The following NYAP2 variants were observed in gnomAD, a reference collection of about 807,000 sequenced individuals.
The protein encoded by NYAP2 is neuronal tyrosine-phosphorylated phosphoinositide-3-kinase adapter 2.
A neutral mutation model predicts 50.4 loss-of-function variants in NYAP2; 23 were observed. The ratio of observed to expected loss-of-function variants is 0.46; its 90% CI spans 0.33 to 0.65. The LOEUF (loss-of-function observed/expected upper bound fraction) is 0.65, where lower values mean the gene tolerates loss of function less well. Ranked by LOEUF, NYAP2 falls within the 30% of genes least tolerant of loss-of-function variation. The probability of loss-of-function intolerance (pLI) is 0.02; values close to 1 mark genes in which losing one functional copy is unlikely to be tolerated. For missense variants in NYAP2, 885 were observed against 861.0 expected, an observed-to-expected ratio of 1.03 and a Z score of -0.35; for synonymous variants, 394 against 365.2, an observed-to-expected ratio of 1.08 and a Z score of -0.90.
At chr2:225,681,637 C>T in the NYAP2 span, among the ~76,000 whole-genome samples, 1 of 152,194 alleles carries the variant, frequency 6.6e-6, no homozygotes, top group African/African-American at 2.4e-5. Context: ...CTTTTGGTCA[C>T]ATGCTATTTT....
chr2:225,455,794 A>G (rs1689729867), intron 3 of NYAP2, among the ~76,000 whole-genome samples: 1 of 152,210 alleles, frequency 6.6e-6, no homozygotes, highest in South Asian at 2.1e-4. Flanking sequence ...TGACTGCTGG[A>G]TGGAAATGTT....
At chr2:225,683,633 A>C in the NYAP2 span, among the ~76,000 whole-genome samples, 9 of 152,294 alleles carry the variant, frequency 5.9e-5, no homozygotes, top group Admixed American at 5.9e-4. Context: ...TCTTTTAGAC[A>C]ACAGGTAGAT....
At chr2:225,477,102 A>G (rs191443727) in intron 3 of NYAP2, among the ~76,000 whole-genome samples, 12 of 152,134 alleles carry the variant, frequency 7.9e-5, no homozygotes, top group African/African-American at 2.2e-4. Flanking sequence ...TGAGGTATAT[A>G]TATTATATGT....
chr2:225,579,902 A>G lies in NYAP2; in HGVS notation c.524-2039A>G, dbSNP rs187710634. On this transcript the variant is annotated intron_variant, in intron 4 of 6. Transcript: ENST00000636099. ...AATTTAAGAGGGTGAAAATGAAAAT[A>G]TAATTCTAAATATGATTATTTCTGT... Among the ~76,000 whole-genome samples, 210 of 152,360 alleles carry G rather than the reference A, an allele frequency of 1.4e-3. 1 individual carries two copies. Among genetic ancestry groups the G allele is most frequent in the African/African-American group, 4.7e-3 (194 of 41,588 alleles).
the NYAP2 span, among the ~76,000 whole-genome samples, chr2:225,664,736 C>T: frequency 6.6e-6 from 1 of 151,752 alleles, no homozygotes; most frequent in Admixed American, 6.6e-5. Flanking sequence ...ATTAGCCGGG[C>T]GTGGTGGCGG....
the NYAP2 span, among the ~76,000 whole-genome samples, chr2:225,693,453 C>T: frequency 6.6e-6 from 1 of 151,966 alleles, no homozygotes; most frequent in Non-Finnish European, 1.5e-5. Flanking sequence ...CGGTTGATCG[C>T]CTGTTGGGGG....
the NYAP2 span, among the ~76,000 whole-genome samples, chr2:225,697,395 G>A: frequency 3.9e-5 from 6 of 152,048 alleles, no homozygotes; most frequent in Non-Finnish European, 8.8e-5. Context: ...GACATTTGCC[G>A]AAGCATCAAA....
chr2:225,412,335 G>A (rs1156558842), intron 3 of NYAP2, among the ~76,000 whole-genome samples: 2 of 134,406 alleles, frequency 1.5e-5, no homozygotes, highest in Non-Finnish European at 3.1e-5. Context: ...TTAAAATGTG[G>A]TTGTGAATGA....
At chr2:225,508,591 A>G (rs534119095) in intron 3 of NYAP2, among the ~76,000 whole-genome samples, 11 of 152,316 alleles carry the variant, frequency 7.2e-5, no homozygotes, top group Admixed American at 2.6e-4. Flanking sequence ...TGAGATCACA[A>G]TGCAGGTCTA....
At chr2:225,510,508 C>T (rs976565778) in intron 3 of NYAP2, among the ~76,000 whole-genome samples, 19 of 152,156 alleles carry the variant, frequency 1.2e-4, no homozygotes, top group Admixed American at 1.2e-3. Flanking sequence ...CCACATGTTC[C>T]TAGCAAATTC....
At chr2:225,669,505 T>G in the NYAP2 span, among the ~76,000 whole-genome samples, 2 of 152,126 alleles carry the variant, frequency 1.3e-5, no homozygotes, top group Non-Finnish European at 2.9e-5. Flanking sequence ...GCAGCTTACA[T>G]TTTCAACAAC....
the NYAP2 span, among the ~76,000 whole-genome samples, chr2:225,663,747 G>A: frequency 1.6e-3 from 240 of 152,074 alleles, 2 homozygotes; most frequent in Non-Finnish European, 2.7e-3. Context: ...TAGTAGAGAC[G>A]GGGTTTCACC....
chr2:225,651,741 T>C, exon 7 of NYAP2: 1 of 695,600 alleles, frequency 1.4e-6, no homozygotes, highest in South Asian at 2.0e-5. Flanking sequence ...TTGTGATTGG[T>C]GGTGAAACTT....
At chr2:225,510,779 T>TTGTG (rs146231874) in intron 3 of NYAP2, among the ~76,000 whole-genome samples, 2,939 of 148,478 alleles carry the variant, frequency 0.02, 32 homozygotes, top group East Asian at 0.033. Flanking sequence ...GTTAATGTGT[T>TTGTG]TGTGTGTGTG....
chr2:225,606,767 T>A (rs895080271), intron 5 of NYAP2, among the ~76,000 whole-genome samples: 2 of 152,160 alleles, frequency 1.3e-5, no homozygotes, highest in Admixed American at 6.6e-5. Flanking sequence ...CAAATTCCTC[T>A]TATAAAGCCA....
At chr2:225,630,021 T>C (rs1693280528) in intron 6 of NYAP2, among the ~76,000 whole-genome samples, 1 of 152,144 alleles carries the variant, frequency 6.6e-6, no homozygotes, top group Non-Finnish European at 1.5e-5. Context: ...TAATATTTGC[T>C]TGAAGAATAT....
intron 4 of NYAP2, among the ~76,000 whole-genome samples, chr2:225,520,216 G>A (rs951361640): frequency 1.3e-4 from 20 of 152,032 alleles, no homozygotes; most frequent in Admixed American, 3.3e-4. Context: ...CTCCCATTTT[G>A]TAGGTTGCCT....
At chr2:225,632,446 C>A (rs1693336527) in intron 6 of NYAP2, among the ~76,000 whole-genome samples, 1 of 152,170 alleles carries the variant, frequency 6.6e-6, no homozygotes, top group East Asian at 1.9e-4. Flanking sequence ...CAGTCACAGG[C>A]TATTGCTTTA....
chr2:225,419,121 T>C (rs181309229), intron 3 of NYAP2, among the ~76,000 whole-genome samples: 2 of 152,206 alleles, frequency 1.3e-5, no homozygotes, highest in African/African-American at 4.8e-5. Context: ...TCGGCGATAC[T>C]GATTCTAAGA....
Sources: allele counts gnomAD v4.1 joint callset (sites outside exome capture counted in the v4.1 genomes callset), GRCh38; gene constraint gnomAD v4.1.1; transcripts MANE v1.5; gene names NCBI Gene and HGNC (gene_info 2026-07-23, HGNC 2026-07-21).